Variants in DNAH12 observed in about 807,000 individuals in gnomAD.
DNAH12 encodes axonemal beta dynein heavy chain 12.
Under a neutral mutation model 371.5 loss-of-function variants are expected in DNAH12, and 285 were observed. That is an observed-to-expected ratio of 0.77 (90% CI 0.70 to 0.85). The LOEUF (loss-of-function observed/expected upper bound fraction) is 0.85. DNAH12 is among the 40% of genes least tolerant of loss of function. The probability of loss-of-function intolerance (pLI) is 0.00; values close to 1 mark genes in which losing one functional copy is unlikely to be tolerated. For missense variants in DNAH12, 3,611 were observed against 3,689.4 expected, an observed-to-expected ratio of 0.98 and a Z score of 0.55; for synonymous variants, 1,200 against 1,213.0, an observed-to-expected ratio of 0.99 and a Z score of 0.22.
chr3:57,415,491 C>T lies in DNAH12; in HGVS notation c.5788G>A (p.Glu1930Lys). ...YVKDKLMNHL[E>K]KDQYFPFYIN... ...TAAAAAGGAAAGTACTGGTCCTTTT[C>T]CAAGTGATTCATTAGCTTATCCTTC... Residue 1930 changes from glutamate (E) to lysine (K), a missense_variant, in exon 38 of 74, where the codon GAA becomes AAA. Physicochemically the swap from Glu to Lys is moderately conservative, Grantham distance 56. This residue lies in a region of DNAH12 where 2,266 missense variants were observed against 2,236.9 expected (regional missense o/e 1.01). Coordinates refer to ENST00000495027, the MANE Select transcript of DNAH12 (RefSeq NM_001366028.2). 6.4e-7 allele frequency: 1 copy of T among 1,551,232 alleles called. No homozygotes were observed. The highest frequency in any genetic ancestry group is 1.4e-5 in the African/African-American group (1 of 73,132).
intron 2 of DNAH12, among the ~76,000 whole-genome samples, chr3:57,535,772 C>A (rs755969741): frequency 6.6e-6 from 1 of 151,364 alleles, no homozygotes; most frequent in East Asian, 1.9e-4. Context: ...GAACTCCCAA[C>A]CTCAGGTGAT....
chr3:57,519,924 C>T, intron 4 of DNAH12: 1 of 932,922 alleles, frequency 1.1e-6, no homozygotes, highest in South Asian at 1.3e-5. Context: ...TGAGCTAGAA[C>T]ATCTTGTCGC....
chr3:57,519,034 A>T (rs1374190084), intron 4 of DNAH12, among the ~76,000 whole-genome samples: 2 of 152,180 alleles, frequency 1.3e-5, no homozygotes, highest in Non-Finnish European at 2.9e-5. Flanking sequence ...AAAGGAAATA[A>T]ATGGTCAGTG....
At chr3:57,300,757 G>A (rs570670796) in intron 70 of DNAH12, among the ~76,000 whole-genome samples, 1 of 152,128 alleles carries the variant, frequency 6.6e-6, no homozygotes, top group East Asian at 1.9e-4. Context: ...CAATAAAAAG[G>A]CAACTGAACA....
intron 11 of DNAH12, among the ~76,000 whole-genome samples, chr3:57,499,895 G>C (rs1246890735): frequency 6.6e-6 from 1 of 150,906 alleles, no homozygotes. Context: ...AAATTAAAAT[G>C]TATAAAGTAT....
At chr3:57,405,229 T>C (rs1309116960) in intron 41 of DNAH12, 82 bp from the exon 42 acceptor site, 6 of 1,239,268 alleles carry the variant, frequency 4.8e-6, no homozygotes, top group African/African-American at 3.2e-5. Flanking sequence ...GTTTCATCCA[T>C]GTTATAAAGT....
chr3:57,415,593 A>G, intron 37 of DNAH12, 29 bp from the exon 38 acceptor site: 1 of 1,503,916 alleles, frequency 6.6e-7, no homozygotes. Flanking sequence ...TATATTATTC[A>G]AAATGGAAAA....
rs1322210520 is a variant in DNAH12 at position 57,334,483 on chromosome 3, C to A, written c.9960G>T (p.Arg3320=). ...LNELQKIIIL[R]CLRPDKITPA... ...CTTTTACCTTATCAGGTCTTAAACACCGAAGAATTATTATTTTCTGTAGTT... is the reference window on the plus strand; with the variant it reads ...CTTTTACCTTATCAGGTCTTAAACAACGAAGAATTATTATTTTCTGTAGTT... Residue 3320 remains arginine (R), a synonymous_variant, in exon 62 of 74, where the codon CGG becomes CGT. Transcript: ENST00000495027. The A allele has an allele frequency of 6.5e-7, 1 of 1,548,670 alleles. No homozygotes were observed. Among genetic ancestry groups the A allele is most frequent in the East Asian group, 2.4e-5 (1 of 40,822 alleles).
intron 35 of DNAH12, among the ~76,000 whole-genome samples, chr3:57,422,790 C>CA (rs1249398187): frequency 6.6e-6 from 1 of 152,086 alleles, no homozygotes; most frequent in Non-Finnish European, 1.5e-5. Flanking sequence ...TTTGTAATAG[C>CA]AAAAGATCAA....
At chr3:57,425,724 C>G (rs1575585058) in intron 34 of DNAH12, among the ~76,000 whole-genome samples, 1 of 152,088 alleles carries the variant, frequency 6.6e-6, no homozygotes, top group African/African-American at 2.4e-5. Flanking sequence ...CAAATGAAAA[C>G]TAGCTACTGC....
At chr3:57,388,799 C>A (rs1351726936) in intron 45 of DNAH12, among the ~76,000 whole-genome samples, 1 of 150,384 alleles carries the variant, frequency 6.6e-6, no homozygotes, top group Admixed American at 6.7e-5. Flanking sequence ...CAAACTATCA[C>A]AAGGACAAAA....
chr3:57,537,885 A>G (rs939144878), intron 2 of DNAH12, among the ~76,000 whole-genome samples: 1 of 152,168 alleles, frequency 6.6e-6, no homozygotes, highest in East Asian at 1.9e-4. Flanking sequence ...GTGTTTCACC[A>G]TGTTGGCCAG....
chr3:57,537,896 G>T (rs562861893), intron 2 of DNAH12, among the ~76,000 whole-genome samples: 1 of 152,190 alleles, frequency 6.6e-6, no homozygotes, highest in Non-Finnish European at 1.5e-5. Context: ...TGTTGGCCAG[G>T]ATGGTCTCAA....
intron 48 of DNAH12, 147 bp from the exon 49 acceptor site, chr3:57,385,152 T>C (rs935258826): frequency 6.3e-5 from 9 of 143,136 alleles, no homozygotes; most frequent in East Asian, 4.1e-4. Flanking sequence ...TACAAATACA[T>C]GTGAACTAAT....
intron 65 of DNAH12, among the ~76,000 whole-genome samples, chr3:57,317,714 T>TG (rs776348422): frequency 2.1e-4 from 32 of 152,124 alleles, no homozygotes; most frequent in Non-Finnish European, 3.5e-4. Flanking sequence ...CTGGATCATA[T>TG]GTTCTGTTTT....
intron 60 of DNAH12, among the ~76,000 whole-genome samples, chr3:57,341,476 C>T (rs1553656133): frequency 6.6e-6 from 1 of 151,824 alleles, no homozygotes; most frequent in African/African-American, 2.4e-5. Context: ...GAAAAGAAAT[C>T]AAGAAAGTAA....
At position 57,352,102 on chromosome 3, in the gene DNAH12, TA is replaced by T. The variant is rs782326973; in HGVS notation, c.9656del (p.Leu3219TyrfsTer17). 6.6e-7 allele frequency: 1 copy of T among 1,522,240 alleles called. No individual in the cohort carries two copies. The highest frequency in any genetic ancestry group is 1.3e-5 in the South Asian group (1 of 75,610). The allele number at this position is 1,522,240 out of a possible 1,614,324, so 94.3% of individuals were successfully genotyped here. A position where few individuals can be genotyped will look rare whatever the true frequency, so the allele number is the denominator to read the frequency against. Reference sequence around the variant, plus strand: ...TAACTTACAGAAGAAGATTGGCACATAATAAAAAGGAAAATAACAGCTTGTC... The same window carrying T: ...TAACTTACAGAAGAAGATTGGCACATATAAAAAGGAAAATAACAGCTTGTC... ...EKDKLLFSFL[L>X]CANLLLARKE... On this transcript the variant is annotated frameshift_variant, in exon 60 of 74. Transcript: ENST00000495027. LOFTEE classifies it high-confidence loss of function.
chr3:57,328,714 A>G (rs1384408918), intron 62 of DNAH12, among the ~76,000 whole-genome samples: 6 of 131,996 alleles, frequency 4.5e-5, no homozygotes, highest in African/African-American at 1.5e-4. Flanking sequence ...TGGCCAGGGC[A>G]ATTAGGCAGG....
In DNAH12 at chr3:57,489,596, A is replaced by C. The variant is rs1008060668; in HGVS notation, c.1427T>G (p.Leu476Trp). 1.9e-6 allele frequency: 3 copies of C among 1,543,156 alleles called. No individual in the cohort carries two copies. In the African/African-American group the frequency reaches 4.1e-5, roughly 21 times the overall value. ...TGCTTTATTTGTCAGGCCTGTCTTCAAATCTTCACAATCCAAACGCACCAT... is the reference window on the plus strand; with the variant it reads ...TGCTTTATTTGTCAGGCCTGTCTTCCAATCTTCACAATCCAAACGCACCAT... ...YTMVRLDCED[L>W]KTGLTNKAKA... The change falls in exon 12 of 74, where the codon TTG (leucine) becomes TGG (tryptophan). Residue 476 changes from leucine to tryptophan, a missense_variant. By Grantham distance (61) the Leu-to-Trp change is moderately conservative (BLOSUM62 -2). Around this residue, in one of 3 missense-constraint regions of DNAH12, gnomAD observed 1,314 missense variants for 1,398.7 expected, o/e 0.94. Transcript: ENST00000495027.
Sources: allele counts gnomAD v4.1 joint callset (sites outside exome capture counted in the v4.1 genomes callset), GRCh38; gene constraint gnomAD v4.1.1; regional missense constraint gnomAD v4.1.1; transcripts MANE v1.5; gene names NCBI Gene and HGNC (gene_info 2026-07-23, HGNC 2026-07-21).